H2AC12: variants seen among roughly 807,000 people sequenced by gnomAD.
H2AC12 encodes the protein H2A clustered histone 12.
Under a neutral mutation model 5.8 loss-of-function variants are expected in H2AC12, and 9 were observed. The ratio of observed to expected loss-of-function variants is 1.56; its 90% CI spans 0.94 to 2.71. The LOEUF is 2.71. Ranked by LOEUF, H2AC12 falls within the 30% of genes most tolerant of loss-of-function variation. The pLI is 0.00. For missense variants in H2AC12, 232 were observed against 173.1 expected (o/e 1.34, Z -1.91); for synonymous variants, 158 against 78.1 (o/e 2.02, Z -5.39).
At position 27,147,165 on chromosome 6, in the gene H2AC12, G is replaced by T. The variant is rs150434841; in HGVS notation, c.37G>T (p.Ala13Ser). The T allele has an allele frequency of 2.6e-5, 42 of 1,613,394 alleles. No homozygotes were observed. In the African/African-American group the frequency reaches 4.8e-4, roughly 18 times the overall value. Residue 13 changes from alanine to serine, a missense_variant, in exon 1 of 1, where the codon GCC becomes TCC. Physicochemically the swap from Ala to Ser is moderately conservative, Grantham distance 99 (BLOSUM62 1). Transcript: ENST00000377459. ...GRGKQGGKAR[A>S]KAKTRSSRAG... ...TGGCAAGCAAGGCGGTAAAGCTCGCGCCAAGGCCAAGACCCGCTCTTCTCG... is the reference window on the plus strand; with the variant it reads ...TGGCAAGCAAGGCGGTAAAGCTCGCTCCAAGGCCAAGACCCGCTCTTCTCG...
In H2AC12 at chr6:27,147,547, G is replaced by C. The variant is rs1042883740; in HGVS notation, c.*32G>C. ...AGGTTGTGAAAACTGGAAAACAAAG[G>C]CTCTTTTCAGAGCCATTCTACACTG... is the stretch of plus-strand genomic sequence containing the variant. On this transcript the variant is annotated 3_prime_UTR_variant, in exon 1 of 1. Transcript: ENST00000377459. 2 of 1,609,856 alleles carry C rather than the reference G, an allele frequency of 1.2e-6. No homozygotes were observed. The highest frequency in any genetic ancestry group is 1.7e-6 in the Non-Finnish European group (2 of 1,177,594).
Position 27,147,112 on chromosome 6 carries a change from A to AT in H2AC12, c.-17_-16insT. The AT allele has an allele frequency of 1.3e-6, 2 of 1,576,116 alleles. No individual in the cohort carries two copies. Among genetic ancestry groups the AT allele is most frequent in the East Asian group, 4.5e-5 (2 of 44,620 alleles). ...CTGCCTTTCCTCGTTGGCTACTTTC[A>AT]GTAAGTTGTGACCAGTATGTCTGGA... On this transcript the variant is annotated 5_prime_UTR_variant, in exon 1 of 1. In the 5' UTR this introduces an upstream ATG that the reference lacks. Transcript: ENST00000377459.
At position 27,147,241 on chromosome 6, in the gene H2AC12, GTAAT is replaced by G; in HGVS notation, c.116_119del (p.Asn39MetfsTer20). ...CGAGTGCACCGCCTGCTCCGCAAGG[GTAAT>G]TATGCCGAGCGGGTTGGAGCCGGCG... is the stretch of plus-strand genomic sequence containing the variant. On this transcript the variant is annotated frameshift_variant, in exon 1 of 1. Transcript: ENST00000377459. LOFTEE classifies it high-confidence loss of function. 1 of 1,614,160 alleles carries G rather than the reference GTAAT, an allele frequency of 6.2e-7. No homozygotes were observed.
rs1475963366 is a variant in H2AC12, at chr6:27,147,550, C to A, written c.*35C>A. 6.2e-7 allele frequency: 1 copy of A among 1,608,226 alleles called. No individual in the cohort carries two copies. Among genetic ancestry groups the A allele is most frequent in the Non-Finnish European group, 8.5e-7 (1 of 1,176,492 alleles). On this transcript the variant is annotated 3_prime_UTR_variant, in exon 1 of 1. Coordinates refer to ENST00000377459, the MANE Select transcript of H2AC12 (RefSeq NM_080596.3). ...TTGTGAAAACTGGAAAACAAAGGCTCTTTTCAGAGCCATTCTACACTGTCT... is the reference window on the plus strand; with the variant it reads ...TTGTGAAAACTGGAAAACAAAGGCTATTTTCAGAGCCATTCTACACTGTCT...
At position 27,147,327 on chromosome 6, in the gene H2AC12, G is replaced by A. The variant is rs142311023; in HGVS notation, c.199G>A (p.Ala67Thr). ...EYLTAEILEL[A>T]GNAARDNKKT... is the part of the protein sequence containing the mutation. ...CCTGACCGCTGAGATCCTGGAGCTGGCTGGCAATGCGGCCCGCGACAACAA... is the reference window on the plus strand; with the variant it reads ...CCTGACCGCTGAGATCCTGGAGCTGACTGGCAATGCGGCCCGCGACAACAA... Residue 67 changes from alanine to threonine, a missense_variant, in exon 1 of 1, where the codon GCT (alanine) becomes ACT (threonine). Physicochemically the swap from Ala to Thr is moderately conservative, Grantham distance 58 (BLOSUM62 0). Transcript: ENST00000377459. 44 of 1,614,172 alleles carry A rather than the reference G, an allele frequency of 2.7e-5. No individual in the cohort carries two copies. The African/African-American group carries it at 5.3e-4, about 20-fold the overall frequency.
In H2AC12 at chr6:27,147,317, C is replaced by T. The variant is rs778621568; in HGVS notation, c.189C>T (p.Ile63=). The change falls in exon 1 of 1, where the codon ATC becomes ATT. Residue 63 remains isoleucine (I), a synonymous_variant. Transcript: ENST00000377459. ...TGCTGGAGTACCTGACCGCTGAGATCCTGGAGCTGGCTGGCAATGCGGCCC... is the reference window on the plus strand; with the variant it reads ...TGCTGGAGTACCTGACCGCTGAGATTCTGGAGCTGGCTGGCAATGCGGCCC... ...AAVLEYLTAE[I]LELAGNAARD... is the part of the protein sequence containing the mutation. The T allele has an allele frequency of 6.8e-5, 110 of 1,614,068 alleles. No homozygotes were observed. Among genetic ancestry groups the T allele is most frequent in the Non-Finnish European group, 9.1e-5 (107 of 1,180,036 alleles).
rs779881548 is a variant in H2AC12 at position 27,147,512 on chromosome 6, A to G, written c.384A>G (p.Lys128=). The G allele has an allele frequency of 1.9e-6, 3 of 1,613,876 alleles. No individual in the cohort carries two copies. The Admixed American group carries it at 5.0e-5, about 27-fold the overall frequency. The part of the protein sequence containing the change: ...PKKTESHHKA[K] Reference sequence around the variant, plus strand: ...AGACTGAGAGCCACCATAAGGCCAAATAAGGAGCGAGGTTGTGAAAACTGG... The same window carrying G: ...AGACTGAGAGCCACCATAAGGCCAAGTAAGGAGCGAGGTTGTGAAAACTGG... The change falls in exon 1 of 1, where the codon AAA becomes AAG. Residue 128 remains lysine, a synonymous_variant. Coordinates refer to ENST00000377459, the MANE Select transcript of H2AC12 (RefSeq NM_080596.3).
At position 27,147,478 on chromosome 6, in the gene H2AC12, T is replaced by A. The variant is rs2113656119; in HGVS notation, c.350T>A (p.Leu117Gln). 1 of 1,614,204 alleles carries A rather than the reference T, an allele frequency of 6.2e-7. No homozygotes were observed. Among genetic ancestry groups the A allele is most frequent in the African/African-American group, 1.3e-5 (1 of 75,064 alleles). Residue 117 changes from leucine to glutamine, a missense_variant, in exon 1 of 1, where the codon CTG becomes CAG. Coordinates refer to ENST00000377459, the MANE Select transcript of H2AC12 (RefSeq NM_080596.3). ...TTGCCCAATATCCAGGCCGTGCTGC[T>A]GCCTAAGAAGACTGAGAGCCACCAT... ...GVLPNIQAVL[L>Q]PKKTESHHKA... is the part of the protein sequence containing the mutation.
rs780737203 is a variant in H2AC12 at position 27,147,154 on chromosome 6, G to T, written c.26G>T (p.Gly9Val). 75 of 1,612,686 alleles carry T rather than the reference G, an allele frequency of 4.7e-5. 2 individuals are homozygous for T. In the South Asian group the frequency reaches 8.1e-4, roughly 17 times the overall value. Residue 9 changes from glycine to valine, a missense_variant, in exon 1 of 1, where the codon GGT becomes GTT. Physicochemically the swap from Gly to Val is moderately radical, Grantham distance 109. Transcript: ENST00000377459. ...ATGTCTGGACGTGGCAAGCAAGGCG[G>T]TAAAGCTCGCGCCAAGGCCAAGACC... is the stretch of plus-strand genomic sequence containing the variant. MSGRGKQG[G>V]KARAKAKTRS...
Position 27,147,156 on chromosome 6 carries a change from A to T in H2AC12, c.28A>T (p.Lys10Ter), listed in dbSNP as rs774709144. Residue 10 changes from lysine (K) to a stop codon, truncating the protein, a stop_gained, in exon 1 of 1, where the codon AAA becomes TAA. Transcript: ENST00000377459. LOFTEE classifies it high-confidence loss of function. ...GTCTGGACGTGGCAAGCAAGGCGGT[A>T]AAGCTCGCGCCAAGGCCAAGACCCG... MSGRGKQGG[K>*]ARAKAKTRSS... 6.2e-7 allele frequency: 1 copy of T among 1,613,028 alleles called. No individual in the cohort carries two copies. The highest frequency in any genetic ancestry group is 8.5e-7 in the Non-Finnish European group (1 of 1,179,346).
rs1760116257 is a variant in H2AC12, at chr6:27,147,241, G to A, written c.113G>A (p.Gly38Asp). The A allele has an allele frequency of 2.5e-6, 4 of 1,614,160 alleles. No individual in the cohort carries two copies. Among genetic ancestry groups the A allele is most frequent in the Non-Finnish European group, 2.5e-6 (3 of 1,180,030 alleles). The change falls in exon 1 of 1, where the codon GGT becomes GAT. Residue 38 changes from glycine (G) to aspartate (D), a missense_variant. Physicochemically the swap from Gly to Asp is moderately conservative, Grantham distance 94. Coordinates refer to ENST00000377459, the MANE Select transcript of H2AC12 (RefSeq NM_080596.3). ...VGRVHRLLRK[G>D]NYAERVGAGA... ...CGAGTGCACCGCCTGCTCCGCAAGG[G>A]TAATTATGCCGAGCGGGTTGGAGCC...
chr6:27,147,231 C>T lies in H2AC12; in HGVS notation c.103C>T (p.Leu35Phe), dbSNP rs148561545. 9 of 1,614,070 alleles carry T rather than the reference C, an allele frequency of 5.6e-6. No homozygotes were observed. Among genetic ancestry groups the T allele is most frequent in the South Asian group, 2.2e-5 (2 of 91,082 alleles). ...QFPVGRVHRL[L>F]RKGNYAERVG... ...CCCCGTGGGCCGAGTGCACCGCCTG[C>T]TCCGCAAGGGTAATTATGCCGAGCG... The change falls in exon 1 of 1, where the codon CTC becomes TTC. Residue 35 changes from leucine (L) to phenylalanine (F), a missense_variant. By Grantham distance (22) the Leu-to-Phe change is conservative. Transcript: ENST00000377459.
rs371334640 is a variant in H2AC12, at chr6:27,147,363, A to C, written c.235A>C (p.Ile79Leu). Residue 79 changes from isoleucine (I) to leucine (L), a missense_variant, in exon 1 of 1, where the codon ATC (isoleucine) becomes CTC (leucine). Ile to Leu is a conservative substitution (Grantham distance 5, BLOSUM62 2). Transcript: ENST00000377459. ...NAARDNKKTR[I>L]IPRHLQLAIR... is the part of the protein sequence containing the mutation. Reference sequence around the variant, plus strand: ...GGCCCGCGACAACAAGAAGACCCGTATCATCCCGCGTCACCTCCAACTGGC... The same window carrying C: ...GGCCCGCGACAACAAGAAGACCCGTCTCATCCCGCGTCACCTCCAACTGGC... 1 of 1,614,236 alleles carries C rather than the reference A, an allele frequency of 6.2e-7. No homozygotes were observed. The highest frequency in any genetic ancestry group is 8.5e-7 in the Non-Finnish European group (1 of 1,180,032).
chr6:27,147,459 AAT>A lies in H2AC12; in HGVS notation c.334_335del (p.Ile112ProfsTer7). 6.2e-7 allele frequency: 1 copy of A among 1,614,228 alleles called. No individual in the cohort carries two copies. Among genetic ancestry groups the A allele is most frequent in the Non-Finnish European group, 8.5e-7 (1 of 1,180,022 alleles). On this transcript the variant is annotated frameshift_variant, in exon 1 of 1. Transcript: ENST00000377459. LOFTEE classifies it high-confidence loss of function. ...VTIAQGGVLP[N>X]IQAVLLPKKT... Reference sequence around the variant, plus strand: ...CATCGCGCAGGGTGGTGTCTTGCCCAATATCCAGGCCGTGCTGCTGCCTAAGA... The same window carrying A: ...CATCGCGCAGGGTGGTGTCTTGCCCAATCCAGGCCGTGCTGCTGCCTAAGA...
At position 27,147,536 on chromosome 6, in the gene H2AC12, G is replaced by A. The variant is rs1333544935; in HGVS notation, c.*21G>A. 1 of 1,612,042 alleles carries A rather than the reference G, an allele frequency of 6.2e-7. No individual in the cohort carries two copies. The highest frequency in any genetic ancestry group is 1.3e-5 in the African/African-American group (1 of 74,870). On this transcript the variant is annotated 3_prime_UTR_variant, in exon 1 of 1. Coordinates refer to ENST00000377459, the MANE Select transcript of H2AC12 (RefSeq NM_080596.3). ...AATAAGGAGCGAGGTTGTGAAAACT[G>A]GAAAACAAAGGCTCTTTTCAGAGCC...
chr6:27,147,303 C>T lies in H2AC12; in HGVS notation c.175C>T (p.Leu59=). The change falls in exon 1 of 1, where the codon CTG becomes TTG. Residue 59 remains leucine (L), a synonymous_variant. Coordinates refer to ENST00000377459, the MANE Select transcript of H2AC12 (RefSeq NM_080596.3). ...GTACCTGGCTGCGGTGCTGGAGTAC[C>T]TGACCGCTGAGATCCTGGAGCTGGC... ...PVYLAAVLEY[L]TAEILELAGN... 6.2e-7 allele frequency: 1 copy of T among 1,614,170 alleles called. No homozygotes were observed. Among genetic ancestry groups the T allele is most frequent in the Non-Finnish European group, 8.5e-7 (1 of 1,180,026 alleles).
chr6:27,147,183 T>A lies in H2AC12; in HGVS notation c.55T>A (p.Ser19Thr). 1 of 1,614,032 alleles carries A rather than the reference T, an allele frequency of 6.2e-7. No individual in the cohort carries two copies. Among genetic ancestry groups the A allele is most frequent in the Non-Finnish European group, 8.5e-7 (1 of 1,179,934 alleles). The stretch of plus-strand genomic sequence containing the variant: ...AGCTCGCGCCAAGGCCAAGACCCGC[T>A]CTTCTCGGGCTGGGCTTCAGTTCCC... ...GKARAKAKTR[S>T]SRAGLQFPVG... Residue 19 changes from serine (S) to threonine (T), a missense_variant, in exon 1 of 1, where the codon TCT (serine) becomes ACT (threonine). Ser to Thr is a moderately conservative substitution (Grantham distance 58). Coordinates refer to ENST00000377459, the MANE Select transcript of H2AC12 (RefSeq NM_080596.3).
chr6:27,147,212 G>T lies in H2AC12; in HGVS notation c.84G>T (p.Val28=). 6.2e-7 allele frequency: 1 copy of T among 1,614,180 alleles called. No individual in the cohort carries two copies. Among genetic ancestry groups the T allele is most frequent in the Non-Finnish European group, 8.5e-7 (1 of 1,180,024 alleles). The change falls in exon 1 of 1, where the codon GTG becomes GTT. Residue 28 remains valine (V), a synonymous_variant. Transcript: ENST00000377459. The part of the protein sequence containing the change: ...RSSRAGLQFP[V]GRVHRLLRKG... ...CTCGGGCTGGGCTTCAGTTCCCCGT[G>T]GGCCGAGTGCACCGCCTGCTCCGCA...
rs746781100 is a variant in H2AC12 at position 27,147,201 on chromosome 6, C to T, written c.73C>T (p.Gln25Ter). ...AKTRSSRAGLQFPVGRVHRLL... is the reference protein window; with the variant it reads ...AKTRSSRAGL ...GACCCGCTCTTCTCGGGCTGGGCTTCAGTTCCCCGTGGGCCGAGTGCACCG... is the reference window on the plus strand; with the variant it reads ...GACCCGCTCTTCTCGGGCTGGGCTTTAGTTCCCCGTGGGCCGAGTGCACCG... Residue 25 changes from glutamine (Q) to a stop codon, truncating the protein, a stop_gained, in exon 1 of 1, where the codon CAG becomes TAG. Transcript: ENST00000377459. LOFTEE classifies it high-confidence loss of function. 6 of 1,614,064 alleles carry T rather than the reference C, an allele frequency of 3.7e-6. No homozygotes were observed. The highest frequency in any genetic ancestry group is 5.1e-6 in the Non-Finnish European group (6 of 1,180,028).
Sources: allele counts gnomAD v4.1 joint callset, GRCh38; gene constraint gnomAD v4.1.1; transcripts MANE v1.5; gene names NCBI Gene and HGNC (gene_info 2026-07-23, HGNC 2026-07-21).